BCAS3: variants seen among roughly 807,000 people sequenced by gnomAD.
The protein encoded by BCAS3 is BCAS3 microtubule associated cell migration factor.
Under a neutral mutation model 116.1 loss-of-function variants are expected in BCAS3, and 53 were observed. That is an observed-to-expected ratio of 0.46 (90% confidence interval 0.37 to 0.57). The LOEUF is 0.57. Among genes scored for constraint, BCAS3 ranks in the 20% least tolerant of loss-of-function variants. BCAS3 has a pLI of 0.00. For missense variants in BCAS3, 917 were observed against 1,165.4 expected (o/e 0.79, Z 3.10); for synonymous variants, 391 against 408.2 (o/e 0.96, Z 0.51).
At chr17:60,810,008 G>T (rs1280366165) in intron 7 of BCAS3, among the ~76,000 whole-genome samples, 1 of 152,208 alleles carries the variant, frequency 6.6e-6, no homozygotes, top group Non-Finnish European at 1.5e-5. Context: ...ATGTTATACT[G>T]TATTATATAA....
intron 22 of BCAS3, among the ~76,000 whole-genome samples, chr17:61,304,664 C>G (rs1337583913): frequency 6.6e-6 from 1 of 152,156 alleles, no homozygotes; most frequent in Non-Finnish European, 1.5e-5. Context: ...CCTCAATGTC[C>G]CTGACACAGG....
chr17:61,304,819 T>C (rs980290410), intron 22 of BCAS3, among the ~76,000 whole-genome samples: 2 of 151,816 alleles, frequency 1.3e-5, no homozygotes, highest in African/African-American at 4.8e-5. Context: ...AATGACACAA[T>C]CTCAGCTCAT....
intron 13 of BCAS3, among the ~76,000 whole-genome samples, chr17:60,933,538 T>C (rs1252369376): frequency 6.6e-6 from 1 of 152,236 alleles, no homozygotes; most frequent in Non-Finnish European, 1.5e-5. Flanking sequence ...CTTTAGATGC[T>C]TGGCTGCATC....
chr17:61,062,841 G>T (rs2070206651), intron 19 of BCAS3, among the ~76,000 whole-genome samples: 1 of 151,924 alleles, frequency 6.6e-6, no homozygotes, highest in Admixed American at 6.6e-5. Context: ...TTTTTTTTAA[G>T]ATTAGAAGCA....
chr17:60,999,841 G>T (rs1482657861), intron 15 of BCAS3, among the ~76,000 whole-genome samples: 1 of 152,080 alleles, frequency 6.6e-6, no homozygotes. Flanking sequence ...GCAGTGTTTT[G>T]TAGTTGTCCT....
intron 22 of BCAS3, among the ~76,000 whole-genome samples, chr17:61,270,656 T>A (rs1451073892): frequency 6.6e-6 from 1 of 152,216 alleles, no homozygotes; most frequent in Non-Finnish European, 1.5e-5. Context: ...ATGTTACAAA[T>A]CATTGCTAAA....
At chr17:60,740,419 G>GC (rs1264869560) in intron 5 of BCAS3, among the ~76,000 whole-genome samples, 2 of 149,742 alleles carry the variant, frequency 1.3e-5, no homozygotes, top group Non-Finnish European at 3.0e-5. Context: ...AATCACTTGA[G>GC]CCCAGGGGGG....
chr17:60,848,145 A>G (rs565989291), intron 7 of BCAS3, among the ~76,000 whole-genome samples: 412 of 152,248 alleles, frequency 2.7e-3, no homozygotes, highest in Non-Finnish European at 3.7e-3. Flanking sequence ...TCTGAATTCT[A>G]TTTCATTTTT....
At chr17:61,142,877 A>T (rs2076997732) in intron 22 of BCAS3, among the ~76,000 whole-genome samples, 1 of 152,174 alleles carries the variant, frequency 6.6e-6, no homozygotes, top group Non-Finnish European at 1.5e-5. Flanking sequence ...AATGTTTTTA[A>T]AAGTTATTTG....
intron 22 of BCAS3, among the ~76,000 whole-genome samples, chr17:61,103,896 G>A (rs2074482290): frequency 6.6e-6 from 1 of 152,144 alleles, no homozygotes; most frequent in South Asian, 2.1e-4. Context: ...CATAAATTTG[G>A]CAGATAGTCT....
chr17:61,353,032 C>T (rs1264160933), intron 22 of BCAS3, among the ~76,000 whole-genome samples: 2 of 152,110 alleles, frequency 1.3e-5, no homozygotes, highest in African/African-American at 4.8e-5. Context: ...GGATTGACCT[C>T]ATGGGGTGGG....
intron 7 of BCAS3, among the ~76,000 whole-genome samples, chr17:60,863,319 T>C (rs1463327222): frequency 6.6e-6 from 1 of 152,212 alleles, no homozygotes; most frequent in African/African-American, 2.4e-5. Context: ...ATATGTCTTA[T>C]ACATGTATAT....
rs991916896 is a variant in BCAS3, at chr17:61,180,513, G to A, written c.2425+95949G>A. ...AATGAAAATTCTCCCTTGCCTCAGGGTAAGTAGTAGACTGCACATCCAGAC... is the reference window on the plus strand; with the variant it reads ...AATGAAAATTCTCCCTTGCCTCAGGATAAGTAGTAGACTGCACATCCAGAC... On this transcript the variant is annotated intron_variant, in intron 22 of 23. Transcript: ENST00000407086. The surrounding 1 kb of genome is among the most constrained non-coding windows in gnomAD (Gnocchi z 6.0). Among the ~76,000 whole-genome samples, 1 of 152,226 alleles carries A rather than the reference G, an allele frequency of 6.6e-6. No homozygotes were observed. Among genetic ancestry groups the A allele is most frequent in the Non-Finnish European group, 1.5e-5 (1 of 68,038 alleles).
At position 60,967,683 on chromosome 17, in the gene BCAS3, G is replaced by T. The variant is rs1384051756; in HGVS notation, c.1221+20331G>T. Among the ~76,000 whole-genome samples, 1 of 151,970 alleles carries T rather than the reference G, an allele frequency of 6.6e-6. No individual in the cohort carries two copies. The highest frequency in any genetic ancestry group is 1.9e-4 in the East Asian group (1 of 5,184). On this transcript the variant is annotated intron_variant, in intron 14 of 23. Coordinates refer to ENST00000407086, the MANE Select transcript of BCAS3 (RefSeq NM_017679.5). The surrounding 1 kb of genome is among the most constrained non-coding windows in gnomAD (Gnocchi z 4.7). ...TAATTCTTAGATTTGGTCTTTTGAG[G>T]TAATTGTCTGCATCCTGTTGGTGGT...
intron 6 of BCAS3, among the ~76,000 whole-genome samples, chr17:60,749,397 A>G (rs141050464): frequency 2.9e-3 from 437 of 152,212 alleles, no homozygotes; most frequent in African/African-American, 0.01. Flanking sequence ...CTTTGTTCCC[A>G]ATGTTCTGAG....
intron 7 of BCAS3, chr17:60,810,883 C>T: frequency 1.4e-6 from 1 of 702,870 alleles, no homozygotes; most frequent in East Asian, 2.8e-5. Context: ...GGTAGATGCC[C>T]CCAAATCTCA....
At chr17:60,887,150 C>G (rs1280932703) in intron 9 of BCAS3, 1 of 151,978 alleles carries the variant, frequency 6.6e-6, no homozygotes, top group African/African-American at 2.4e-5. Flanking sequence ...TCTCGTGGTG[C>G]GCCGTTTTTT....
At chr17:61,154,319 G>A (rs1352716464) in intron 22 of BCAS3, among the ~76,000 whole-genome samples, 1 of 151,998 alleles carries the variant, frequency 6.6e-6, no homozygotes, top group African/African-American at 2.4e-5. Flanking sequence ...AAACCTTTGT[G>A]TGCTGGACCA....
intron 5 of BCAS3, among the ~76,000 whole-genome samples, chr17:60,723,832 C>T (rs1170075274): frequency 6.7e-6 from 1 of 149,250 alleles, no homozygotes; most frequent in Non-Finnish European, 1.5e-5. Flanking sequence ...GATTCTCCTG[C>T]CTCAGCCTTC....
Sources: allele counts gnomAD v4.1 joint callset (sites outside exome capture counted in the v4.1 genomes callset), GRCh38; gene constraint gnomAD v4.1.1; non-coding constraint Gnocchi (gnomAD v3.1); transcripts MANE v1.5; gene names NCBI Gene and HGNC (gene_info 2026-07-23, HGNC 2026-07-21).